Variants in MMP16 observed in about 807,000 individuals in gnomAD.
MMP16 encodes the protein matrix metalloproteinase-16.
Under a neutral mutation model 67.8 loss-of-function variants are expected in MMP16, and 12 were observed. That is an observed-to-expected ratio of 0.18 (90% CI 0.11 to 0.29). MMP16 has a LOEUF of 0.29. MMP16 is among the 10% of genes least tolerant of loss of function. MMP16 has a pLI of 1.00. For synonymous variants in MMP16, 249 were observed against 255.9 expected (o/e 0.97, Z 0.26); for missense variants, 475 against 765.7 (o/e 0.62, Z 4.48).
intron 1 of MMP16, among the ~76,000 whole-genome samples, chr8:88,225,143 A>G (rs1809749881): frequency 6.6e-6 from 1 of 152,024 alleles, no homozygotes; most frequent in Non-Finnish European, 1.5e-5. Context: ...GAAACTATAT[A>G]GTTTACAATT....
chr8:88,050,268 A>C (rs547168788), intron 8 of MMP16, among the ~76,000 whole-genome samples: 1 of 152,342 alleles, frequency 6.6e-6, no homozygotes, highest in South Asian at 2.1e-4. Flanking sequence ...GGTTGCAGCG[A>C]GCCGAGATAG....
rs993760805 is a variant in MMP16 at position 88,032,411 on chromosome 8, A to G, written c.*9050T>C. 1.3e-5 allele frequency: 2 copies of G among 152,184 alleles called. No homozygotes were observed. Among genetic ancestry groups the G allele is most frequent in the African/African-American group, 4.8e-5 (2 of 41,456 alleles). 9.4% of individuals were successfully genotyped at this position (152,184 alleles called of 1,614,324 possible). A position where few individuals can be genotyped will look rare whatever the true frequency, so the allele number is the denominator to read the frequency against. On this transcript the variant is annotated 3_prime_UTR_variant, in exon 10 of 10. Coordinates refer to ENST00000286614, the MANE Select transcript of MMP16 (RefSeq NM_005941.5). Reference sequence around the variant, plus strand: ...TAATAGCATGACCCCTTGACCTTTAATGACGCAACATTATAAGGAGTTAAA... The same window carrying G: ...TAATAGCATGACCCCTTGACCTTTAGTGACGCAACATTATAAGGAGTTAAA...
intron 4 of MMP16, among the ~76,000 whole-genome samples, chr8:88,146,169 G>A (rs928739590): frequency 6.6e-6 from 1 of 151,812 alleles, no homozygotes; most frequent in Non-Finnish European, 1.5e-5. Context: ...TCAATGTGAT[G>A]GGTAAAATTC....
At chr8:88,224,069 A>AT (rs1809730264) in intron 1 of MMP16, among the ~76,000 whole-genome samples, 1 of 151,894 alleles carries the variant, frequency 6.6e-6, no homozygotes, top group African/African-American at 2.4e-5. Flanking sequence ...ATTAGGTTGC[A>AT]TTGTAGGGGC....
intron 1 of MMP16, among the ~76,000 whole-genome samples, chr8:88,289,723 CA>C (rs1810891718): frequency 1.2e-4 from 18 of 151,242 alleles, no homozygotes; most frequent in South Asian, 8.4e-4. Flanking sequence ...CACACACACA[CA>C]CACACACCCC....
At chr8:88,308,565 A>G (rs1193930443) in intron 1 of MMP16, among the ~76,000 whole-genome samples, 2 of 152,096 alleles carry the variant, frequency 1.3e-5, no homozygotes, top group Non-Finnish European at 2.9e-5. Context: ...GGAAAGATGT[A>G]TTACTCAATA....
At chr8:88,206,848 A>G (rs528109312) in intron 1 of MMP16, among the ~76,000 whole-genome samples, 4 of 152,328 alleles carry the variant, frequency 2.6e-5, no homozygotes, top group African/African-American at 9.6e-5. Flanking sequence ...GAGTGTATCT[A>G]TGATGACATT....
chr8:88,230,284 A>C (rs1027739378), intron 1 of MMP16, among the ~76,000 whole-genome samples: 7 of 152,152 alleles, frequency 4.6e-5, no homozygotes, highest in Non-Finnish European at 1.0e-4. Context: ...CCCTAGAGCC[A>C]TATTACCCTG....
At chr8:88,168,775 GA>G (rs978492189) in intron 3 of MMP16, among the ~76,000 whole-genome samples, 1 of 151,804 alleles carries the variant, frequency 6.6e-6, no homozygotes, top group East Asian at 1.9e-4. Flanking sequence ...GCATGCATGT[GA>G]AAAAAATGGG....
intron 1 of MMP16, among the ~76,000 whole-genome samples, chr8:88,307,954 C>A (rs1054838017): frequency 1.3e-5 from 2 of 151,988 alleles, no homozygotes; most frequent in African/African-American, 4.8e-5. Flanking sequence ...AAGAAAAATG[C>A]AATAACTCCA....
At chr8:88,318,686 T>C (rs1436272794) in intron 1 of MMP16, among the ~76,000 whole-genome samples, 1 of 152,140 alleles carries the variant, frequency 6.6e-6, no homozygotes, top group Non-Finnish European at 1.5e-5. Context: ...GTGTTGCAGA[T>C]CCAACACTGT....
chr8:88,079,443 G>A (rs1357598161), intron 6 of MMP16, among the ~76,000 whole-genome samples: 2 of 152,132 alleles, frequency 1.3e-5, no homozygotes, highest in Admixed American at 6.5e-5. Context: ...AGAACATAGT[G>A]TATGGTCTGG....
intron 1 of MMP16, among the ~76,000 whole-genome samples, chr8:88,207,010 G>C (rs1313159599): frequency 6.6e-6 from 1 of 152,014 alleles, no homozygotes; most frequent in Non-Finnish European, 1.5e-5. Context: ...TTTGGGGAAA[G>C]CTTCAACAAT....
At chr8:88,184,093 T>C (rs765591784) in intron 3 of MMP16, among the ~76,000 whole-genome samples, 2 of 152,040 alleles carry the variant, frequency 1.3e-5, no homozygotes, top group East Asian at 1.9e-4. Flanking sequence ...AAATGGATGG[T>C]AAATTTCCTT....
At chr8:88,285,152 GT>G (rs901919486) in intron 1 of MMP16, among the ~76,000 whole-genome samples, 2 of 151,998 alleles carry the variant, frequency 1.3e-5, no homozygotes, top group Admixed American at 1.3e-4. Context: ...TGTTGTTGTT[GT>G]TTTTGAGATG....
intron 1 of MMP16, among the ~76,000 whole-genome samples, chr8:88,274,043 A>G (rs1407802796): frequency 6.6e-6 from 1 of 152,148 alleles, no homozygotes; most frequent in East Asian, 1.9e-4. Context: ...GTTTTATGGG[A>G]AGAGAAGAAG....
intron 7 of MMP16, among the ~76,000 whole-genome samples, chr8:88,066,802 A>G (rs1808469318): frequency 6.6e-6 from 1 of 152,120 alleles, no homozygotes; most frequent in African/African-American, 2.4e-5. Flanking sequence ...ACCGATAATC[A>G]TTTCACAAAA....
intron 1 of MMP16, among the ~76,000 whole-genome samples, chr8:88,216,387 TATAAAC>T (rs1224329956): frequency 6.6e-6 from 1 of 152,220 alleles, no homozygotes; most frequent in Non-Finnish European, 1.5e-5. Context: ...TTGTATTTCG[TATAAAC>T]ATAAACATTT....
intron 6 of MMP16, among the ~76,000 whole-genome samples, chr8:88,086,444 G>A (rs1286450492): frequency 6.6e-6 from 1 of 151,824 alleles, no homozygotes; most frequent in Non-Finnish European, 1.5e-5. Flanking sequence ...AACAGTTCTG[G>A]ATTCAAAAAT....
Sources: allele counts gnomAD v4.1 joint callset (sites outside exome capture counted in the v4.1 genomes callset), GRCh38; gene constraint gnomAD v4.1.1; transcripts MANE v1.5; gene names NCBI Gene and HGNC (gene_info 2026-07-23, HGNC 2026-07-21).